PRDM2: variants seen among roughly 807,000 people sequenced by gnomAD.
PRDM2 encodes the protein PR/SET domain 2.
PRDM2 carries 30 observed loss-of-function variants against 130.0 expected under a neutral mutation model. That is an observed-to-expected ratio of 0.23 (90% confidence interval 0.17 to 0.31). PRDM2 has a LOEUF of 0.31. Among genes scored for constraint, PRDM2 ranks in the 10% least tolerant of loss-of-function variants. PRDM2 has a pLI of 1.00. For missense variants in PRDM2, 2,011 were observed against 2,108.4 expected, an observed-to-expected ratio of 0.95 and a Z score of 0.90; for synonymous variants, 871 against 782.4, an observed-to-expected ratio of 1.11 and a Z score of -1.89.
At chr1:13,700,594 C>T (rs1047706096) in intron 1 of PRDM2, among the ~76,000 whole-genome samples, 10 of 151,432 alleles carry the variant, frequency 6.6e-5, no homozygotes, top group Admixed American at 1.3e-4. Flanking sequence ...CGTGAAGAGC[C>T]GCGCGCCCCG....
At chr1:13,715,647 A>C in intron 2 of PRDM2, 33 bp downstream of exon 2, 2 of 1,561,158 alleles carry the variant, frequency 1.3e-6, no homozygotes, top group Non-Finnish European at 1.7e-6. Flanking sequence ...ATACAAATAC[A>C]TGACCTAGAT....
chr1:13,786,935 A>C, intron 8 of PRDM2: 3 of 999,200 alleles, frequency 3.0e-6, no homozygotes, highest in Non-Finnish European at 3.6e-6. Flanking sequence ...CAGGGATGAC[A>C]GATTTGGATG....
intron 9 of PRDM2, among the ~76,000 whole-genome samples, chr1:13,820,688 C>T (rs1397737542): frequency 6.6e-6 from 1 of 151,564 alleles, no homozygotes; most frequent in Non-Finnish European, 1.5e-5. Flanking sequence ...AGAGGTCGCC[C>T]ATCCCGGCCC....
chr1:13,729,288 A>T (rs981079258), intron 2 of PRDM2, among the ~76,000 whole-genome samples: 3 of 152,196 alleles, frequency 2.0e-5, no homozygotes, highest in African/African-American at 7.2e-5. Flanking sequence ...TGACTTTTCA[A>T]AGCGGCTGTG....
At position 13,714,509 on chromosome 1, in the gene PRDM2, AG is replaced by A. The variant is rs569117516; in HGVS notation, c.-65-1029del. Among the ~76,000 whole-genome samples the A allele has an allele frequency of 2.8e-4, 42 of 152,304 alleles. No homozygotes were observed. The South Asian group carries it at 5.0e-3, about 18-fold the overall frequency. ...TTAAATATAGTGCCTTTGGTGGTTA[AG>A]GGTGATCAGGTGAGTGGTTAAATAG... On this transcript the variant is annotated intron_variant, in intron 1 of 9. Transcript: ENST00000311066.
chr1:13,726,097 A>G lies in PRDM2; in HGVS notation c.10-4903A>G, dbSNP rs575478200. On this transcript the variant is annotated intron_variant, in intron 2 of 9. Transcript: ENST00000311066. ...ACGTGGAGATCATAGAAGTGCCTAT[A>G]GCAATTGGTAGTGTGCAGATTAAAT... 3.3e-5 allele frequency among the ~76,000 whole-genome samples: 5 copies of G among 152,344 alleles called. No homozygotes were observed. In the South Asian group the frequency reaches 1.0e-3, roughly 32 times the overall value.
At chr1:13,750,259 T>C (rs1355764082) in intron 6 of PRDM2, among the ~76,000 whole-genome samples, 1 of 146,980 alleles carries the variant, frequency 6.8e-6, no homozygotes, top group East Asian at 2.0e-4. Context: ...ACGTTGGGGC[T>C]TTTTTTTTTA....
At chr1:13,768,561 G>A (rs1286377484) in intron 6 of PRDM2, among the ~76,000 whole-genome samples, 1 of 151,714 alleles carries the variant, frequency 6.6e-6, no homozygotes, top group Non-Finnish European at 1.5e-5. Flanking sequence ...TGTATTTTTA[G>A]TAGAGATGGG....
chr1:13,772,901 ACAGTCAT>A (rs1450692707), intron 6 of PRDM2, among the ~76,000 whole-genome samples, 170 bp from the exon 7 acceptor site: 1 of 152,202 alleles, frequency 6.6e-6, no homozygotes, highest in African/African-American at 2.4e-5. Flanking sequence ...CAGAGTATTT[ACAGTCAT>A]CATTCATTCC....
chr1:13,714,558 C>T (rs550239525), intron 1 of PRDM2, among the ~76,000 whole-genome samples: 1 of 152,154 alleles, frequency 6.6e-6, no homozygotes, highest in East Asian at 1.9e-4. Context: ...AAAGAAAAAT[C>T]CAACTACCTT....
At chr1:13,819,165 G>A (rs763598051) in intron 9 of PRDM2, among the ~76,000 whole-genome samples, 2 of 152,220 alleles carry the variant, frequency 1.3e-5, no homozygotes, top group Admixed American at 1.3e-4. Context: ...CTCTGCAGCC[G>A]GAGGGAGAGC....
chr1:13,784,456 T>C (rs1194004233), intron 8 of PRDM2, among the ~76,000 whole-genome samples: 1 of 152,238 alleles, frequency 6.6e-6, no homozygotes, highest in Non-Finnish European at 1.5e-5. Context: ...TTCAGTATTA[T>C]CTAAAAGAAA....
chr1:13,733,078 C>T (rs1464011291), intron 4 of PRDM2, among the ~76,000 whole-genome samples, 196 bp downstream of exon 4: 4 of 152,110 alleles, frequency 2.6e-5, no homozygotes, highest in Admixed American at 6.5e-5. Flanking sequence ...TTTGAAACTG[C>T]TTGGCTGTCC....
chr1:13,812,392 T>A (rs951280172), intron 8 of PRDM2, among the ~76,000 whole-genome samples: 2 of 152,106 alleles, frequency 1.3e-5, no homozygotes, highest in Admixed American at 1.3e-4. Context: ...CTGCTTCAAA[T>A]GTGTGTGGTT....
At chr1:13,740,433 T>G (rs1454405070) in intron 4 of PRDM2, among the ~76,000 whole-genome samples, 2 of 152,168 alleles carry the variant, frequency 1.3e-5, no homozygotes, top group African/African-American at 4.8e-5. Context: ...GGGGTAATAA[T>G]GTAAGTTACT....
At chr1:13,775,194 C>T (rs1644449062) in intron 7 of PRDM2, among the ~76,000 whole-genome samples, 1 of 152,198 alleles carries the variant, frequency 6.6e-6, no homozygotes. Flanking sequence ...TGGCATGGGC[C>T]GTGCTTGTTA....
At chr1:13,742,659 C>T (rs897870721) in intron 5 of PRDM2, among the ~76,000 whole-genome samples, 3 of 152,148 alleles carry the variant, frequency 2.0e-5, no homozygotes, top group Non-Finnish European at 2.9e-5. Flanking sequence ...GCATGAAGAT[C>T]GTGTTAAGTA....
At chr1:13,798,619 G>C (rs1248086598) in intron 8 of PRDM2, among the ~76,000 whole-genome samples, 1 of 152,120 alleles carries the variant, frequency 6.6e-6, no homozygotes, top group African/African-American at 2.4e-5. Context: ...GACTATAACT[G>C]AACATCATGG....
intron 2 of PRDM2, 46 bp downstream of exon 2, chr1:13,715,660 T>A (rs1218420540): frequency 6.6e-7 from 1 of 1,515,554 alleles, no homozygotes; most frequent in Non-Finnish European, 8.9e-7. Context: ...ACCTAGATGT[T>A]AGACCAGCTC....
Sources: gnomAD v4.1 joint callset for allele counts (sites outside exome capture counted in the v4.1 genomes callset) on GRCh38, gnomAD v4.1.1 for gene constraint, MANE v1.5 for transcripts, NCBI Gene and HGNC (gene_info 2026-07-23, HGNC 2026-07-21) for gene names.